The following PIGX variants were observed in gnomAD, a reference collection of about 807,000 sequenced individuals.
PIGX encodes phosphatidylinositol glycan anchor biosynthesis class X.
A neutral mutation model predicts 28.7 loss-of-function variants in PIGX; 24 were observed. The observed-to-expected ratio is 0.84, with a 90% CI of 0.60 to 1.17. The LOEUF is 1.17. Among genes scored for constraint, PIGX ranks in the 50% most tolerant of loss-of-function variants. The pLI is 0.00. For synonymous variants in PIGX, 127 were observed against 121.0 expected (o/e 1.05, Z -0.33); for missense variants, 305 against 317.8 (o/e 0.96, Z 0.31).
Position 196,721,358 on chromosome 3 carries a change from T to G in PIGX, c.177-1057T>G, listed in dbSNP as rs569545477. On this transcript the variant is annotated intron_variant, in intron 2 of 5. Transcript: ENST00000392391. ...CTAATGGCTTTTAATTACATCTGGG[T>G]AAGTTTTTATTTCGGAAATTATATT... 1.0e-4 allele frequency: 17 copies of G among 162,324 alleles called. No individual in the cohort carries two copies. The East Asian group carries it at 3.2e-3, about 30-fold the overall frequency. 10.1% of individuals were successfully genotyped at this position (162,324 alleles called of 1,614,324 possible).
chr3:196,721,138 C>A, intron 2 of PIGX: 1 of 346,626 alleles, frequency 2.9e-6, no homozygotes, highest in Non-Finnish European at 5.5e-6. Context: ...GCCATTATAT[C>A]TTCATTTTTT....
intron 4 of PIGX, among the ~76,000 whole-genome samples, chr3:196,729,448 C>G (rs1354694039): frequency 1.3e-5 from 2 of 150,942 alleles, no homozygotes; most frequent in Non-Finnish European, 2.9e-5. Flanking sequence ...GCTCTGTTGC[C>G]CAGGCTGGAG....
At chr3:196,717,116 T>C (rs1712129230) in intron 2 of PIGX, among the ~76,000 whole-genome samples, 195 bp downstream of exon 2, 1 of 151,874 alleles carries the variant, frequency 6.6e-6, no homozygotes, top group African/African-American at 2.4e-5. Context: ...CTGGCCAACA[T>C]AGTGAAACGC....
chr3:196,719,434 C>T (rs1276357875), intron 2 of PIGX, among the ~76,000 whole-genome samples: 1 of 152,116 alleles, frequency 6.6e-6, no homozygotes, highest in Non-Finnish European at 1.5e-5. Context: ...CACCCATTAA[C>T]TCGTCATTTA....
intron 1 of PIGX, chr3:196,713,224 A>G (rs73089229): frequency 0.036 from 12,412 of 347,870 alleles, 608 homozygotes; most frequent in African/African-American, 0.16. Context: ...TCCGTTTAGT[A>G]TCTGTCAATC....
At chr3:196,712,849 G>T in intron 1 of PIGX, 2 of 1,093,410 alleles carry the variant, frequency 1.8e-6, no homozygotes, top group Non-Finnish European at 2.2e-6. Context: ...GGGAGAGTCG[G>T]GCTCGGGCCC....
intron 3 of PIGX, among the ~76,000 whole-genome samples, chr3:196,726,160 G>A (rs377607537): frequency 6.6e-6 from 1 of 152,126 alleles, no homozygotes; most frequent in Non-Finnish European, 1.5e-5. Context: ...GCATGGTGGC[G>A]TGTGTCTATA....
chr3:196,713,735 G>T (rs954217948), intron 1 of PIGX, among the ~76,000 whole-genome samples: 3 of 151,736 alleles, frequency 2.0e-5, no homozygotes, highest in Admixed American at 6.6e-5. Context: ...TACTCAGGGG[G>T]CTAAGGCAGG....
chr3:196,732,006 A>G (rs992984525), intron 5 of PIGX, among the ~76,000 whole-genome samples: 3 of 149,398 alleles, frequency 2.0e-5, no homozygotes, highest in African/African-American at 7.4e-5. Context: ...TTGTATTTTT[A>G]GTAGAGACGG....
intron 5 of PIGX, among the ~76,000 whole-genome samples, chr3:196,732,256 A>ATATATTTTTTT (rs1438652673): frequency 4.3e-5 from 1 of 23,252 alleles, no homozygotes; most frequent in African/African-American, 1.6e-4. Flanking sequence ...ATATATATAT[A>ATATATTTTTTT]TTTTATTTTA....
intron 5 of PIGX, among the ~76,000 whole-genome samples, chr3:196,732,307 A>T (rs1277449790): frequency 4.6e-5 from 5 of 109,780 alleles, no homozygotes; most frequent in African/African-American, 1.1e-4. Context: ...TTTGAGACGG[A>T]GTCTCGCTCT....
chr3:196,731,673 A>C (rs1712761295), intron 5 of PIGX, among the ~76,000 whole-genome samples: 1 of 151,916 alleles, frequency 6.6e-6, no homozygotes, highest in African/African-American at 2.4e-5. Context: ...TTTTTCTCAA[A>C]CTCTAAAATA....
intron 1 of PIGX, among the ~76,000 whole-genome samples, chr3:196,716,293 C>A (rs1021109608): frequency 6.6e-6 from 1 of 151,994 alleles, no homozygotes; most frequent in African/African-American, 2.4e-5. Context: ...AACCTTCCAG[C>A]ATCTCCACAA....
intron 1 of PIGX, chr3:196,712,989 G>C: frequency 1.0e-6 from 1 of 995,226 alleles, no homozygotes; most frequent in Non-Finnish European, 1.2e-6. Flanking sequence ...CAAGGCCTTA[G>C]CGCCCTGTGA....
chr3:196,732,220 A>ATATATATATG (rs1712798162), intron 5 of PIGX, among the ~76,000 whole-genome samples: 1 of 15,734 alleles, frequency 6.4e-5, no homozygotes, highest in Non-Finnish European at 1.2e-4. Context: ...TATTATTTAT[A>ATATATATATG]TATATATATA....
At chr3:196,724,334 A>G (rs1712441927) in intron 3 of PIGX, among the ~76,000 whole-genome samples, 1 of 152,218 alleles carries the variant, frequency 6.6e-6, no homozygotes, top group African/African-American at 2.4e-5. Flanking sequence ...CTTTTCTTCA[A>G]TGAATTATGA....
intron 4 of PIGX, chr3:196,728,848 C>G: frequency 1.4e-6 from 1 of 729,430 alleles, no homozygotes; most frequent in Non-Finnish European, 2.5e-6. Context: ...CATTACCCCT[C>G]TGTTGCTTTT....
chr3:196,720,276 C>T (rs1712271950), intron 2 of PIGX, among the ~76,000 whole-genome samples: 1 of 152,256 alleles, frequency 6.6e-6, no homozygotes, highest in Non-Finnish European at 1.5e-5. Flanking sequence ...TTTGACTCCT[C>T]TGGGTACCTC....
intron 2 of PIGX, chr3:196,717,844 AATT>A (rs1240440208): frequency 6.6e-6 from 1 of 152,174 alleles, no homozygotes; most frequent in Non-Finnish European, 1.5e-5. Context: ...CCAAAAAAGA[AATT>A]ATCTTCAAAA....
Sources: gnomAD v4.1 joint callset for allele counts (sites outside exome capture counted in the v4.1 genomes callset) on GRCh38, gnomAD v4.1.1 for gene constraint, MANE v1.5 for transcripts, NCBI Gene and HGNC (gene_info 2026-07-23, HGNC 2026-07-21) for gene names.